The following CAMKMT variants were observed in gnomAD, a reference collection of about 807,000 sequenced individuals.
The protein encoded by CAMKMT is calmodulin-lysine N-methyltransferase.
In CAMKMT, 53 loss-of-function variants were observed where a neutral mutation model predicts 48.0. That is an observed-to-expected ratio of 1.10 (90% CI 0.89 to 1.39). The LOEUF (loss-of-function observed/expected upper bound fraction) is 1.39. CAMKMT is among the 40% of genes most tolerant of loss of function. The pLI is 0.00. For missense variants in CAMKMT, 428 were observed against 402.7 expected (o/e 1.06, Z -0.54); for synonymous variants, 165 against 152.3 (o/e 1.08, Z -0.61).
At chr2:44,439,706 C>T (rs554981094) in intron 3 of CAMKMT, among the ~76,000 whole-genome samples, 2 of 151,836 alleles carry the variant, frequency 1.3e-5, no homozygotes, top group East Asian at 1.9e-4. Context: ...GGCGTCGTGG[C>T]GGGCGCCTGT....
chr2:44,669,836 C>T (rs1675228494), intron 3 of CAMKMT, among the ~76,000 whole-genome samples: 1 of 151,990 alleles, frequency 6.6e-6, no homozygotes, highest in Non-Finnish European at 1.5e-5. Flanking sequence ...CGAAGTTTCA[C>T]CATGTTGCCC....
At chr2:44,761,239 G>C (rs907403137) in intron 9 of CAMKMT, among the ~76,000 whole-genome samples, 1 of 152,152 alleles carries the variant, frequency 6.6e-6, no homozygotes, top group Non-Finnish European at 1.5e-5. Context: ...GGAGGTGAGA[G>C]AGGCATTCCA....
chr2:44,706,152 C>T (rs1677545345), intron 4 of CAMKMT, 135 bp from the exon 5 acceptor site: 1 of 735,940 alleles, frequency 1.4e-6, no homozygotes, highest in Non-Finnish European at 2.3e-6. Context: ...CATGAGGTAG[C>T]CTAGTCATGT....
intron 3 of CAMKMT, among the ~76,000 whole-genome samples, chr2:44,632,037 C>T (rs187038693): frequency 6.6e-6 from 1 of 152,120 alleles, no homozygotes; most frequent in Admixed American, 6.6e-5. Context: ...ATGTCATAAA[C>T]CTCACAATAC....
At chr2:44,743,239 A>G (rs911851573) in intron 7 of CAMKMT, among the ~76,000 whole-genome samples, 1 of 152,196 alleles carries the variant, frequency 6.6e-6, no homozygotes, top group African/African-American at 2.4e-5. Flanking sequence ...GCTGTCTCAC[A>G]TCATTTATTT....
intron 2 of CAMKMT, among the ~76,000 whole-genome samples, chr2:44,381,766 A>T (rs1332848136): frequency 1.3e-5 from 2 of 152,318 alleles, no homozygotes; most frequent in East Asian, 3.9e-4. Flanking sequence ...AATAAAAGGA[A>T]TATGTGAACA....
At chr2:44,457,247 A>G (rs980173548) in intron 3 of CAMKMT, 1 of 152,172 alleles carries the variant, frequency 6.6e-6, no homozygotes, top group Admixed American at 6.5e-5. Flanking sequence ...ATGGTTGCAT[A>G]TATTTCTGTA....
At chr2:44,592,585 G>T (rs1385282033) in intron 3 of CAMKMT, among the ~76,000 whole-genome samples, 1 of 152,008 alleles carries the variant, frequency 6.6e-6, no homozygotes, top group Non-Finnish European at 1.5e-5. Context: ...TGTTATAATT[G>T]TTCTGTTTTA....
intron 3 of CAMKMT, among the ~76,000 whole-genome samples, chr2:44,647,907 C>CAAAAAAA (rs756753917): frequency 3.7e-4 from 11 of 29,504 alleles, no homozygotes; most frequent in East Asian, 1.1e-3. Flanking sequence ...GACTCCGTCT[C>CAAAAAAA]AAAAAAAAAA....
At chr2:44,480,783 C>T (rs72790013) in intron 3 of CAMKMT, among the ~76,000 whole-genome samples, 1 of 48,400 alleles carries the variant, frequency 2.1e-5, no homozygotes. Flanking sequence ...TTTGTAAACT[C>T]TATATTTTTG....
chr2:44,367,794 G>A (rs1272085224), intron 1 of CAMKMT, among the ~76,000 whole-genome samples: 1 of 152,186 alleles, frequency 6.6e-6, no homozygotes. Flanking sequence ...CTCTAGAAAT[G>A]TATCTATCAA....
intron 3 of CAMKMT, among the ~76,000 whole-genome samples, chr2:44,412,115 A>G (rs978601561): frequency 1.3e-5 from 2 of 151,660 alleles, no homozygotes; most frequent in African/African-American, 4.8e-5. Flanking sequence ...AAGTAACCAC[A>G]AGGAGATGGA....
At chr2:44,498,626 C>T (rs1447087178) in intron 3 of CAMKMT, among the ~76,000 whole-genome samples, 1 of 152,180 alleles carries the variant, frequency 6.6e-6, no homozygotes, top group Non-Finnish European at 1.5e-5. Flanking sequence ...TAAACAACTG[C>T]TACCTTGGGC....
chr2:44,758,559 T>C (rs1394754734), intron 9 of CAMKMT, among the ~76,000 whole-genome samples: 1 of 152,148 alleles, frequency 6.6e-6, no homozygotes, highest in Non-Finnish European at 1.5e-5. Context: ...TACAAGGGAC[T>C]CTCCAGCAAA....
intron 7 of CAMKMT, among the ~76,000 whole-genome samples, chr2:44,729,796 G>A (rs1246537588): frequency 6.6e-6 from 1 of 152,134 alleles, no homozygotes; most frequent in African/African-American, 2.4e-5. Flanking sequence ...CTAGATCAGG[G>A]CTTCTCAAAG....
intron 3 of CAMKMT, among the ~76,000 whole-genome samples, chr2:44,419,771 C>T (rs1357581507): frequency 6.6e-6 from 1 of 152,136 alleles, no homozygotes; most frequent in Non-Finnish European, 1.5e-5. Flanking sequence ...GTAGGAGGAT[C>T]ACTTGAGCCC....
intron 6 of CAMKMT, among the ~76,000 whole-genome samples, chr2:44,709,904 C>T (rs2104287695): frequency 6.6e-6 from 1 of 152,068 alleles, no homozygotes. Flanking sequence ...GCAAGATGAG[C>T]ACATTAAGAA....
At chr2:44,377,451 A>G (rs1679813699) in intron 2 of CAMKMT, among the ~76,000 whole-genome samples, 1 of 152,174 alleles carries the variant, frequency 6.6e-6, no homozygotes, top group South Asian at 2.1e-4. Flanking sequence ...AAACTATAAT[A>G]TATTGTTGTA....
chr2:44,612,531 T>C (rs369504896), intron 3 of CAMKMT, among the ~76,000 whole-genome samples: 10 of 152,358 alleles, frequency 6.6e-5, no homozygotes, highest in African/African-American at 1.7e-4. Flanking sequence ...ATTACAGTTA[T>C]GGATATTTCC....
Sources: gnomAD v4.1 joint callset for allele counts (sites outside exome capture counted in the v4.1 genomes callset) on GRCh38, gnomAD v4.1.1 for gene constraint, MANE v1.5 for transcripts, NCBI Gene and HGNC (gene_info 2026-07-23, HGNC 2026-07-21) for gene names.